ATP5F1B: variants seen among roughly 807,000 people sequenced by gnomAD.
The protein encoded by ATP5F1B is ATP synthase F1 subunit beta, also known as ATP synthase F(1) complex subunit beta, mitochondrial.
A neutral mutation model predicts 45.9 loss-of-function variants in ATP5F1B; 17 were observed. That is an observed-to-expected ratio of 0.37 (90% CI 0.25 to 0.56). The LOEUF is 0.56. Among genes scored for constraint, ATP5F1B ranks in the 20% least tolerant of loss-of-function variants. The pLI, the probability that ATP5F1B is intolerant of heterozygous loss-of-function variation, is 0.80. For missense variants in ATP5F1B, 387 were observed against 673.2 expected, an observed-to-expected ratio of 0.57 and a Z score of 4.70; for synonymous variants, 218 against 256.5, an observed-to-expected ratio of 0.85 and a Z score of 1.43.
intron 3 of ATP5F1B, 32 bp downstream of exon 3, chr12:56,644,749 C>A (rs540677219): frequency 1.9e-6 from 3 of 1,580,044 alleles, no homozygotes; most frequent in Non-Finnish European, 2.6e-6. Flanking sequence ...ACAGAAGTTC[C>A]TTTGTGCATA....
intron 1 of ATP5F1B, 76 bp downstream of exon 1, chr12:56,645,761 C>G: frequency 6.4e-7 from 1 of 1,566,284 alleles, no homozygotes; most frequent in Non-Finnish European, 8.7e-7. Flanking sequence ...CCCTTAGGCC[C>G]GAGCTACCAT....
At chr12:56,645,060 TCAG>T in intron 2 of ATP5F1B, 105 bp from the exon 3 acceptor site, 1 of 1,605,772 alleles carries the variant, frequency 6.2e-7, no homozygotes, top group Non-Finnish European at 8.5e-7. Context: ...TTCAGCAAAC[TCAG>T]AAGAACGAAA....
At chr12:56,644,719 A>T in intron 3 of ATP5F1B, 62 bp downstream of exon 3, 1 of 1,523,454 alleles carries the variant, frequency 6.6e-7, no homozygotes, top group Non-Finnish European at 8.9e-7. Context: ...ATGTCACCTT[A>T]ATGTGTAAAA....
intron 7 of ATP5F1B, 22 bp downstream of exon 7, chr12:56,642,436 T>C (rs1180998373): frequency 6.2e-7 from 1 of 1,613,028 alleles, no homozygotes; most frequent in Admixed American, 1.7e-5. Flanking sequence ...AATCAGATCT[T>C]CATCTATGTA....
At position 56,642,961 on chromosome 12, in the gene ATP5F1B, C is replaced by G. The variant is rs1951523480; in HGVS notation, c.793-130G>C. 8 of 1,017,050 alleles carry G rather than the reference C, an allele frequency of 7.9e-6. No individual in the cohort carries two copies. In the South Asian group the frequency reaches 1.2e-4, roughly 15 times the overall value. 63.0% of individuals were successfully genotyped at this position (1,017,050 alleles called of 1,614,324 possible). ...TGTCAGCGTTTTTGTGTGCAAGTTT[C>G]TTTTCCCTATTAGAGATGCAGTTCA... is the stretch of plus-strand genomic sequence containing the variant. On this transcript the variant is annotated intron_variant, in intron 5 of 9. Transcript: ENST00000262030.
chr12:56,644,004 G>A (rs751848746), intron 3 of ATP5F1B, 46 bp from the exon 4 acceptor site: 1 of 1,598,738 alleles, frequency 6.3e-7, no homozygotes, highest in South Asian at 1.1e-5. Context: ...CTTGTTGAAA[G>A]CAAATGATAA....
intron 7 of ATP5F1B, among the ~76,000 whole-genome samples, chr12:56,641,355 C>T (rs1467362692): frequency 8.2e-5 from 12 of 147,064 alleles, no homozygotes; most frequent in Admixed American, 8.1e-4. Context: ...AAGAGTGAAA[C>T]TCCGTCTCAA....
At chr12:56,643,223 G>A (rs1481073702) in intron 5 of ATP5F1B, 180 bp downstream of exon 5, 4 of 530,876 alleles carry the variant, frequency 7.5e-6, no homozygotes, top group African/African-American at 3.8e-5. Flanking sequence ...TTTGTGTATT[G>A]GAAGTTGGGG....
At chr12:56,640,857 C>G (rs1306781656) in intron 7 of ATP5F1B, among the ~76,000 whole-genome samples, 49 of 127,686 alleles carry the variant, frequency 3.8e-4, no homozygotes, top group Non-Finnish European at 7.1e-4. Context: ...CCAGTAGAGA[C>G]GGGGGTCTCT....
chr12:56,640,752 A>G (rs1951505476), intron 7 of ATP5F1B, among the ~76,000 whole-genome samples: 1 of 151,948 alleles, frequency 6.6e-6, no homozygotes, highest in South Asian at 2.1e-4. Flanking sequence ...AGAATTAAAA[A>G]CAAGAGGCTG....
chr12:56,638,427 T>A lies in ATP5F1B; in HGVS notation c.1490-4A>T. 1 of 1,601,582 alleles carries A rather than the reference T, an allele frequency of 6.2e-7. No homozygotes were observed. The highest frequency in any genetic ancestry group is 8.5e-7 in the Non-Finnish European group (1 of 1,172,656). ...TCTGGGAGATGGTCATATTCACCTG[T>A]ATGATGGGGGAGAAAAAAAAAAAGA... On this transcript the variant is annotated splice_region_variant and splice_polypyrimidine_tract_variant and intron_variant, in intron 9 of 9. Coordinates refer to ENST00000262030, the MANE Select transcript of ATP5F1B (RefSeq NM_001686.4).
chr12:56,642,821 A>G lies in ATP5F1B; in HGVS notation c.803T>C (p.Val268Ala). Residue 268 changes from valine to alanine, a missense_variant, in exon 6 of 10, where the codon GTA becomes GCA. Physicochemically the swap from Val to Ala is moderately conservative, Grantham distance 64. This residue lies in a region of ATP5F1B where 154 missense variants were observed against 361.4 expected (regional missense o/e 0.43). Coordinates refer to ENST00000262030, the MANE Select transcript of ATP5F1B (RefSeq NM_001686.4). ...LKDATSKVAL[V>A]YGQMNEPPGA... is the part of the protein sequence containing the mutation. ...AGGTGGTTCATTCATTTGACCATAT[A>G]CCAGCGCTACCTGCAGTAATCATAC... The G allele has an allele frequency of 5.0e-6, 8 of 1,614,140 alleles. No individual in the cohort carries two copies. Among genetic ancestry groups the G allele is most frequent in the Non-Finnish European group, 6.8e-6 (8 of 1,180,012 alleles).
rs780054184 is a variant in ATP5F1B, at chr12:56,644,758, T to C, written c.485+23A>G. ...CAAATAACAGAAGTTCCTTTGTGCATAGATGCAATAAGAGCAACTTACTGT... is the reference window on the plus strand; with the variant it reads ...CAAATAACAGAAGTTCCTTTGTGCACAGATGCAATAAGAGCAACTTACTGT... On this transcript the variant is annotated intron_variant, in intron 3 of 9. Coordinates refer to ENST00000262030, the MANE Select transcript of ATP5F1B (RefSeq NM_001686.4). 2.5e-6 allele frequency: 4 copies of C among 1,598,424 alleles called. No homozygotes were observed. The South Asian group carries it at 3.3e-5, about 13-fold the overall frequency.
At chr12:56,639,882 CCAAAA>C in intron 8 of ATP5F1B, 93 bp downstream of exon 8, 1 of 1,346,442 alleles carries the variant, frequency 7.4e-7, no homozygotes. Context: ...TTTCCTTGCT[CCAAAA>C]CAAATCACTA....
At chr12:56,642,603 G>A in intron 6 of ATP5F1B, 23 bp from the exon 7 acceptor site, 1 of 1,614,102 alleles carries the variant, frequency 6.2e-7, no homozygotes, top group Non-Finnish European at 8.5e-7. Flanking sequence ...AAGGTCTTAG[G>A]TGTCTACATC....
chr12:56,641,416 A>G (rs1951511081), intron 7 of ATP5F1B, among the ~76,000 whole-genome samples: 1 of 152,034 alleles, frequency 6.6e-6, no homozygotes, highest in South Asian at 2.1e-4. Flanking sequence ...CTTGCACAAT[A>G]GTTCATTACA....
rs544832934 is a variant in ATP5F1B at position 56,640,689 on chromosome 12, A to G, written c.1075-497T>C. Among the ~76,000 whole-genome samples the G allele has an allele frequency of 2.0e-5, 3 of 152,252 alleles. No individual in the cohort carries two copies. The East Asian group carries it at 5.8e-4, about 29-fold the overall frequency. Reference sequence around the variant, plus strand: ...CAGCCATGATGGAAGAATTTTTAGTATCATTCTTTTTGTTCTTCATCTTTT... The same window carrying G: ...CAGCCATGATGGAAGAATTTTTAGTGTCATTCTTTTTGTTCTTCATCTTTT... On this transcript the variant is annotated intron_variant, in intron 7 of 9. Transcript: ENST00000262030.
chr12:56,645,850 C>A lies in ATP5F1B; in HGVS notation c.114G>T (p.Thr38=). The A allele has an allele frequency of 6.2e-7, 1 of 1,609,040 alleles. No individual in the cohort carries two copies. Among genetic ancestry groups the A allele is most frequent in the Non-Finnish European group, 8.5e-7 (1 of 1,177,944 alleles). Residue 38 remains threonine (T), a synonymous_variant, in exon 1 of 10, where the codon ACG becomes ACT. Coordinates refer to ENST00000262030, the MANE Select transcript of ATP5F1B (RefSeq NM_001686.4). The part of the protein sequence containing the change: ...PAQLLLRAAP[T]AVHPVRDYAA... Reference sequence around the variant, plus strand: ...AAAAGCACTTACCAGGATGGACCGCCGTCGGAGCGGCCCGCAGTAAGAGCT... The same window carrying A: ...AAAAGCACTTACCAGGATGGACCGCAGTCGGAGCGGCCCGCAGTAAGAGCT...
rs1693519372 is a variant in ATP5F1B, at chr12:56,643,530, T to C, written c.665A>G (p.Asn222Ser). 3 of 1,614,034 alleles carry C rather than the reference T, an allele frequency of 1.9e-6. No homozygotes were observed. The highest frequency in any genetic ancestry group is 1.3e-5 in the African/African-American group (1 of 74,900). The stretch of plus-strand genomic sequence containing the variant: ...GTAACCACCATGGGCTTTGGCGACA[T>C]TGTTGATTAACTCCATGATCAGTAC... Reference protein sequence around the residue: ...KTVLIMELINNVAKAHGGYSV... With the variant: ...KTVLIMELINSVAKAHGGYSV... The change falls in exon 5 of 10, where the codon AAT becomes AGT. Residue 222 changes from asparagine (N) to serine (S), a missense_variant. This residue lies in a region of ATP5F1B where 154 missense variants were observed against 361.4 expected (regional missense o/e 0.43). Coordinates refer to ENST00000262030, the MANE Select transcript of ATP5F1B (RefSeq NM_001686.4).
Sources: gnomAD v4.1 joint callset for allele counts (sites outside exome capture counted in the v4.1 genomes callset) on GRCh38, gnomAD v4.1.1 for gene constraint, gnomAD v4.1.1 regional missense constraint, MANE v1.5 for transcripts, NCBI Gene and HGNC (gene_info 2026-07-23, HGNC 2026-07-21) for gene names.